The following MYRIP variants were observed in gnomAD, a reference collection of about 807,000 sequenced individuals.
MYRIP encodes myosin VIIA and Rab interacting protein.
MYRIP carries 49 observed loss-of-function variants against 98.0 expected under a neutral mutation model. The observed-to-expected ratio is 0.50, with a 90% CI of 0.40 to 0.63. The LOEUF is 0.63. MYRIP is among the 30% of genes least tolerant of loss of function. The pLI is 0.00. For missense variants in MYRIP, 1,004 were observed against 1,058.2 expected, an observed-to-expected ratio of 0.95 and a Z score of 0.71; for synonymous variants, 404 against 409.5, an observed-to-expected ratio of 0.99 and a Z score of 0.16.
At chr3:40,046,044 A>G (rs896540314) in intron 3 of MYRIP, among the ~76,000 whole-genome samples, 5 of 152,190 alleles carry the variant, frequency 3.3e-5, no homozygotes, top group African/African-American at 4.8e-5. Flanking sequence ...AGTGGTGACC[A>G]TGGGAAGAGG....
chr3:40,213,621 C>T (rs9311239), intron 11 of MYRIP, among the ~76,000 whole-genome samples: 1 of 43,164 alleles, frequency 2.3e-5, no homozygotes, highest in African/African-American at 5.2e-5. Flanking sequence ...CACACACACA[C>T]ACACACAGAC....
chr3:39,889,682 T>C (rs1284321242), intron 1 of MYRIP, among the ~76,000 whole-genome samples: 1 of 152,124 alleles, frequency 6.6e-6, no homozygotes. Flanking sequence ...AGTATAATAA[T>C]AATTAAAAAA....
intron 13 of MYRIP, among the ~76,000 whole-genome samples, chr3:40,247,051 G>T (rs1384452863): frequency 2.6e-5 from 4 of 152,166 alleles, no homozygotes; most frequent in Admixed American, 2.0e-4. Flanking sequence ...CAAATCACTT[G>T]TTTTCTGTTA....
intron 10 of MYRIP, among the ~76,000 whole-genome samples, chr3:40,203,222 G>C (rs569121864): frequency 6.6e-6 from 1 of 151,984 alleles, no homozygotes; most frequent in Non-Finnish European, 1.5e-5. Flanking sequence ...GAGTCACTGC[G>C]CCTGGCTCTT....
chr3:40,135,568 A>C (rs535916084), intron 3 of MYRIP, among the ~76,000 whole-genome samples: 1 of 152,346 alleles, frequency 6.6e-6, no homozygotes, highest in South Asian at 2.1e-4. Context: ...AGCAACTCCA[A>C]GACACAAAAT....
chr3:40,194,759 A>G (rs980761970), intron 10 of MYRIP, among the ~76,000 whole-genome samples: 4 of 152,160 alleles, frequency 2.6e-5, no homozygotes, highest in Middle Eastern at 3.4e-3. Context: ...TTTTTTTCAA[A>G]GCTCTTATAC....
At chr3:40,181,570 T>C (rs1950882946) in intron 8 of MYRIP, among the ~76,000 whole-genome samples, 1 of 152,200 alleles carries the variant, frequency 6.6e-6, no homozygotes, top group Non-Finnish European at 1.5e-5. Context: ...CAGTAAAATA[T>C]AATTCCTTCA....
chr3:39,975,330 C>T (rs948609100), intron 2 of MYRIP, among the ~76,000 whole-genome samples: 19 of 152,074 alleles, frequency 1.2e-4, no homozygotes, highest in African/African-American at 3.1e-4. Flanking sequence ...CCTAGGAATC[C>T]GATTTACAAG....
Position 40,176,908 on chromosome 3 carries a change from C to CAAAA in MYRIP, c.874-5298_874-5295dup, listed in dbSNP as rs143992737. Among the ~76,000 whole-genome samples the CAAAA allele has an allele frequency of 3.0e-4, 33 of 109,138 alleles. No homozygotes were observed. The South Asian group carries it at 8.9e-3, about 30-fold the overall frequency. The allele number at this position is 109,138 out of a possible 152,430, so 71.6% of individuals were successfully genotyped here. ...TGGGCAACAAGAGCAAACTCCATCT[C>CAAAA]AAAAAAAAAAAAAAAAAGAAAAGAA... On this transcript the variant is annotated intron_variant, in intron 8 of 16. Coordinates refer to ENST00000302541, the MANE Select transcript of MYRIP (RefSeq NM_015460.4).
intron 2 of MYRIP, among the ~76,000 whole-genome samples, chr3:39,909,211 G>A (rs992373417): frequency 9.9e-5 from 15 of 152,164 alleles, no homozygotes; most frequent in African/African-American, 2.7e-4. Flanking sequence ...GGGCAGGTGC[G>A]CAGGCCGCAG....
chr3:40,135,666 C>A (rs945263591), intron 3 of MYRIP, among the ~76,000 whole-genome samples: 1 of 152,236 alleles, frequency 6.6e-6, no homozygotes, highest in African/African-American at 2.4e-5. Flanking sequence ...GGAAGCCCAT[C>A]AGACTAACAG....
chr3:40,021,962 C>A (rs150224261), intron 2 of MYRIP, among the ~76,000 whole-genome samples: 93 of 152,264 alleles, frequency 6.1e-4, no homozygotes, highest in African/African-American at 2.2e-3. Context: ...AGACACAAAG[C>A]GGAAAGTTTT....
chr3:40,095,179 G>T (rs183349374), intron 3 of MYRIP, among the ~76,000 whole-genome samples: 34 of 152,278 alleles, frequency 2.2e-4, no homozygotes, highest in African/African-American at 7.9e-4. Flanking sequence ...GGCCTTGAAA[G>T]CCAGCTTTCC....
intron 2 of MYRIP, among the ~76,000 whole-genome samples, chr3:40,029,079 T>C (rs9865229): frequency 0.012 from 1,877 of 152,242 alleles, 48 homozygotes; most frequent in African/African-American, 0.043. Flanking sequence ...AATAATTTTC[T>C]TTTTGGATGT....
At chr3:39,995,704 C>T (rs184986244) in intron 2 of MYRIP, among the ~76,000 whole-genome samples, 14 of 152,146 alleles carry the variant, frequency 9.2e-5, no homozygotes, top group South Asian at 2.1e-4. Flanking sequence ...AGATACTCCT[C>T]GAGAAGAGCA....
intron 1 of MYRIP, among the ~76,000 whole-genome samples, chr3:39,847,918 G>T (rs536256398): frequency 1.2e-4 from 19 of 152,242 alleles, no homozygotes; most frequent in African/African-American, 4.1e-4. Flanking sequence ...GTAAACCTGG[G>T]CATGATTAGG....
At chr3:40,249,359 C>T (rs186183786) in intron 13 of MYRIP, among the ~76,000 whole-genome samples, 14 of 152,262 alleles carry the variant, frequency 9.2e-5, no homozygotes, top group South Asian at 6.2e-4. Context: ...GGCAATGTGA[C>T]GAGAGCATGG....
intron 3 of MYRIP, among the ~76,000 whole-genome samples, chr3:40,050,133 G>A (rs1271184824): frequency 1.3e-5 from 2 of 152,148 alleles, no homozygotes; most frequent in African/African-American, 4.8e-5. Flanking sequence ...ATTGATGAAG[G>A]TGGCTACTCT....
intron 10 of MYRIP, among the ~76,000 whole-genome samples, chr3:40,195,220 C>T (rs1487971670): frequency 6.6e-6 from 1 of 152,192 alleles, no homozygotes; most frequent in Non-Finnish European, 1.5e-5. Flanking sequence ...TCCTAACTTA[C>T]TAAACAATTT....
Sources: allele counts gnomAD v4.1 joint callset (sites outside exome capture counted in the v4.1 genomes callset), GRCh38; gene constraint gnomAD v4.1.1; transcripts MANE v1.5; gene names NCBI Gene and HGNC (gene_info 2026-07-23, HGNC 2026-07-21).